DDR2: variants seen among roughly 807,000 people sequenced by gnomAD.
DDR2 encodes the protein discoidin domain receptor tyrosine kinase 2, also known as discoidin domain-containing receptor 2.
Under a neutral mutation model 94.9 loss-of-function variants are expected in DDR2, and 27 were observed. The ratio of observed to expected loss-of-function variants is 0.28; its 90% CI spans 0.21 to 0.39. The LOEUF (loss-of-function observed/expected upper bound fraction) is 0.39. Among genes scored for constraint, DDR2 ranks in the 10% least tolerant of loss-of-function variants. DDR2 has a pLI of 1.00. For synonymous variants in DDR2, 382 were observed against 377.2 expected (o/e 1.01, Z -0.15); for missense variants, 783 against 1,076.0 (o/e 0.73, Z 3.81).
chr1:162,770,808 A>G (rs909682634), intron 12 of DDR2: 5 of 435,670 alleles, frequency 1.1e-5, no homozygotes, highest in African/African-American at 2.0e-5. Context: ...CAGTCCAACC[A>G]GTCTAACCTC....
rs566577140 is a variant in DDR2, at chr1:162,633,635, T to C, written c.-192+1004T>C. 2.0e-5 allele frequency among the ~76,000 whole-genome samples: 3 copies of C among 152,376 alleles called. No individual in the cohort carries two copies. In the South Asian group the frequency reaches 6.2e-4, roughly 32 times the overall value. ...CAGTGTTCTTTCCACTCCATACCTCTGCTTTCATTTCCTTTTTAAGGCTTA... is the reference window on the plus strand; with the variant it reads ...CAGTGTTCTTTCCACTCCATACCTCCGCTTTCATTTCCTTTTTAAGGCTTA... On this transcript the variant is annotated intron_variant, in intron 1 of 17. Transcript: ENST00000367921.
At chr1:162,731,351 T>G (rs1662037971) in intron 3 of DDR2, among the ~76,000 whole-genome samples, 2 of 152,230 alleles carry the variant, frequency 1.3e-5, no homozygotes, top group Non-Finnish European at 2.9e-5. Context: ...CTCTAGCTTA[T>G]CTAATTGTTC....
intron 1 of DDR2, among the ~76,000 whole-genome samples, chr1:162,638,378 C>T (rs996614441): frequency 1.3e-4 from 20 of 152,298 alleles, no homozygotes; most frequent in Admixed American, 9.8e-4. Context: ...TCATTATTAT[C>T]ATCATAATTA....
At chr1:162,667,178 C>T (rs1243704043) in intron 2 of DDR2, among the ~76,000 whole-genome samples, 11 of 152,066 alleles carry the variant, frequency 7.2e-5, no homozygotes, top group Non-Finnish European at 1.3e-4. Flanking sequence ...TGATTACAAA[C>T]AATAATGCAA....
chr1:162,657,899 G>A (rs185446224), intron 2 of DDR2, among the ~76,000 whole-genome samples: 1 of 148,906 alleles, frequency 6.7e-6, no homozygotes, highest in East Asian at 2.0e-4. Context: ...CCCTTCCAAC[G>A]CCCCCACCTC....
At chr1:162,751,197 G>T (rs184017345) in intron 3 of DDR2, among the ~76,000 whole-genome samples, 17 of 152,262 alleles carry the variant, frequency 1.1e-4, no homozygotes, top group Non-Finnish European at 1.3e-4. Flanking sequence ...ACTACCATCA[G>T]AGTGAACAGG....
intron 4 of DDR2, 70 bp from the exon 5 acceptor site, chr1:162,754,554 G>T: frequency 1.3e-6 from 2 of 1,492,168 alleles, no homozygotes; most frequent in South Asian, 2.3e-5. Flanking sequence ...GCAGCTGCTT[G>T]CCTGTGAACC....
intron 9 of DDR2, among the ~76,000 whole-genome samples, chr1:162,764,581 C>A (rs1407302902): frequency 6.6e-6 from 1 of 151,954 alleles, no homozygotes; most frequent in African/African-American, 2.4e-5. Flanking sequence ...ATAAACCACA[C>A]TTTGGGAGGC....
At chr1:162,673,393 G>T (rs372529025) in intron 2 of DDR2, among the ~76,000 whole-genome samples, 2 of 152,066 alleles carry the variant, frequency 1.3e-5, no homozygotes, top group South Asian at 2.1e-4. Flanking sequence ...TCTCTTAATC[G>T]TAAAATTTTA....
rs1359841937 is a variant in DDR2 at position 162,733,577 on chromosome 1, A to G, written c.82+14432A>G. ...TCTTATCTCTGAATTGTCTATCCTC[A>G]TCCTTATATTACTTTGTCACAATTT... On this transcript the variant is annotated intron_variant, in intron 3 of 17. Transcript: ENST00000367921. Among the ~76,000 whole-genome samples, 4 of 152,238 alleles carry G rather than the reference A, an allele frequency of 2.6e-5. No homozygotes were observed. The East Asian group carries it at 5.8e-4, about 22-fold the overall frequency.
intron 2 of DDR2, among the ~76,000 whole-genome samples, chr1:162,656,269 G>A (rs1657957590): frequency 6.6e-6 from 1 of 152,148 alleles, no homozygotes; most frequent in African/African-American, 2.4e-5. Flanking sequence ...TTCAACTTAG[G>A]CTTTACTGTA....
intron 9 of DDR2, among the ~76,000 whole-genome samples, chr1:162,764,135 G>A (rs1369262123): frequency 6.6e-6 from 1 of 152,178 alleles, no homozygotes; most frequent in Non-Finnish European, 1.5e-5. Context: ...TAGGGTAACA[G>A]TGGGATAATT....
intron 10 of DDR2, among the ~76,000 whole-genome samples, chr1:162,766,387 G>T (rs971751326): frequency 6.6e-6 from 1 of 152,142 alleles, no homozygotes; most frequent in Non-Finnish European, 1.5e-5. Flanking sequence ...TCTAAGGAGG[G>T]GTGGAAATCA....
intron 1 of DDR2, among the ~76,000 whole-genome samples, chr1:162,633,543 G>C (rs1367751567): frequency 6.6e-6 from 1 of 152,230 alleles, no homozygotes; most frequent in Non-Finnish European, 1.5e-5. Context: ...GGACCGACCT[G>C]TTCAAGTCCC....
chr1:162,730,058 C>CTAAAAAA (rs1661953788), intron 3 of DDR2, among the ~76,000 whole-genome samples: 1 of 64,188 alleles, frequency 1.6e-5, no homozygotes. Context: ...TTTTTTTTTG[C>CTAAAAAA]AAAAAAAAAA....
At chr1:162,635,047 C>A (rs1656746076) in intron 1 of DDR2, among the ~76,000 whole-genome samples, 1 of 152,128 alleles carries the variant, frequency 6.6e-6, no homozygotes, top group Non-Finnish European at 1.5e-5. Context: ...GCTTTAGAAA[C>A]CTTAAATGTA....
chr1:162,643,455 G>C (rs925283376), intron 1 of DDR2, among the ~76,000 whole-genome samples: 1 of 152,120 alleles, frequency 6.6e-6, no homozygotes, highest in Non-Finnish European at 1.5e-5. Context: ...TAGGAAAGAA[G>C]AGCATTGAAA....
chr1:162,764,775 C>T (rs998362813), intron 9 of DDR2, among the ~76,000 whole-genome samples: 9 of 148,644 alleles, frequency 6.1e-5, no homozygotes, highest in East Asian at 3.9e-4. Context: ...TGCAGTGGGT[C>T]GAGATTGCAC....
chr1:162,753,028 C>G, intron 3 of DDR2, 67 bp from the exon 4 acceptor site: 1 of 1,367,834 alleles, frequency 7.3e-7, no homozygotes, highest in Middle Eastern at 2.2e-4. Context: ...TGATATTCTT[C>G]CTAGGGGGCT....
Sources: allele counts gnomAD v4.1 joint callset (sites outside exome capture counted in the v4.1 genomes callset), GRCh38; gene constraint gnomAD v4.1.1; transcripts MANE v1.5; gene names NCBI Gene and HGNC (gene_info 2026-07-23, HGNC 2026-07-21).